The following NEB variants were observed in gnomAD, a reference collection of about 807,000 sequenced individuals.
NEB encodes the protein nebulin, also known as nemaline myopathy type 2.
A neutral mutation model predicts 952.2 loss-of-function variants in NEB; 512 were observed. The observed-to-expected ratio is 0.54, with a 90% confidence interval of 0.50 to 0.58. NEB has a LOEUF of 0.58. NEB is among the 20% of genes least tolerant of loss of function. NEB has a pLI of 0.00. For synonymous variants in NEB, 2,900 were observed against 3,149.8 expected (o/e 0.92, Z 2.66); for missense variants, 8,428 against 9,231.1 (o/e 0.91, Z 3.56).
intron 10 of NEB, among the ~76,000 whole-genome samples, chr2:151,715,029 G>A (rs1184061272): frequency 6.6e-6 from 1 of 152,172 alleles, no homozygotes; most frequent in African/African-American, 2.4e-5. Flanking sequence ...AATAAATAAT[G>A]TCACCATGGC....
intron 181 of NEB, among the ~76,000 whole-genome samples, chr2:151,489,651 C>T (rs1305707608): frequency 3.3e-5 from 5 of 152,124 alleles, no homozygotes; most frequent in African/African-American, 4.8e-5. Flanking sequence ...CCTGCATCAG[C>T]GTCCCAAAGT....
intron 167 of NEB, among the ~76,000 whole-genome samples, chr2:151,502,008 G>GTGTT (rs1381055686): frequency 6.6e-6 from 1 of 152,192 alleles, no homozygotes; most frequent in African/African-American, 2.4e-5. Flanking sequence ...GTGAATTGCT[G>GTGTT]TGTTGTCTTT....
intron 9 of NEB, 128 bp downstream of exon 9, chr2:151,723,254 C>T (rs936417919): frequency 3.8e-6 from 2 of 529,410 alleles, no homozygotes; most frequent in African/African-American, 1.9e-5. Flanking sequence ...CAATTCTAGA[C>T]ATACTCCTCT....
At chr2:151,569,221 A>T (rs2096542616) in intron 110 of NEB, 47 bp downstream of exon 110, 1 of 1,491,690 alleles carries the variant, frequency 6.7e-7, no homozygotes, top group Non-Finnish European at 9.4e-7. Context: ...GCATTTTGTC[A>T]CTTTCTTGGG....
chr2:151,642,869 G>A lies in NEB; in HGVS notation c.8161C>T (p.Arg2721Cys), dbSNP rs570763682. Residue 2721 changes from arginine (R) to cysteine (C), a missense_variant and splice_region_variant, in exon 59 of 182, where the codon CGC becomes TGC. Physicochemically the swap from Arg to Cys is radical, Grantham distance 180. Transcript: ENST00000397345. ...TTATCCCAAGCTTCTGTATAGAGGC[G>A]CTAAGAGAAACAGAAAAACATGACT... ...AKNNAITMNH[R>C]LYTEAWDKDK... 2.8e-5 allele frequency: 45 copies of A among 1,599,610 alleles called. No homozygotes were observed. Among genetic ancestry groups the A allele is most frequent in the South Asian group, 2.1e-4 (19 of 89,320 alleles).
Position 151,494,338 on chromosome 2 carries a change from A to T in NEB, c.24487-85T>A, listed in dbSNP as rs577787000. ...AAGGAAATGGTACAGATAACTTTTG[A>T]TTATCTTTAGGGCCCCAAACCATTT... On this transcript the variant is annotated intron_variant, in intron 173 of 181. Transcript: ENST00000397345. The T allele has an allele frequency of 3.9e-5, 37 of 941,664 alleles. 1 individual carries two copies. The South Asian group carries it at 5.0e-4, about 13-fold the overall frequency. 58.3% of individuals were successfully genotyped at this position (941,664 alleles called of 1,614,324 possible). A position where few individuals can be genotyped will look rare whatever the true frequency, so the allele number is the denominator to read the frequency against.
rs770208836 is a variant in NEB, at chr2:151,537,961, TCTC to T, written c.21010_21012del (p.Glu7004del). ...CAGATACCCAACTGGCTCATGTAGT[TCTC>T]CTTGTATTTTATCTGTTATAAAAAA... On this transcript the variant is annotated inframe_deletion, in exon 140 of 182. Transcript: ENST00000397345. 1.2e-6 allele frequency: 2 copies of T among 1,613,092 alleles called. No individual in the cohort carries two copies. The highest frequency in any genetic ancestry group is 1.7e-6 in the Non-Finnish European group (2 of 1,179,284).
At chr2:151,697,048 G>T in intron 16 of NEB, 100 bp downstream of exon 16, 3 of 873,646 alleles carry the variant, frequency 3.4e-6, no homozygotes, top group Non-Finnish European at 3.5e-6. Flanking sequence ...GCGATTGCCT[G>T]GCTTACATTT....
chr2:151,662,165 C>T lies in NEB; in HGVS notation c.5940G>A (p.Leu1980=). 1.2e-6 allele frequency: 2 copies of T among 1,613,204 alleles called. No homozygotes were observed. Among genetic ancestry groups the T allele is most frequent in the East Asian group, 2.2e-5 (1 of 44,862 alleles). The change falls in exon 46 of 182, where the codon TTG becomes TTA. Residue 1980 remains leucine (L), a synonymous_variant. Coordinates refer to ENST00000397345, the MANE Select transcript of NEB (RefSeq NM_001164508.2). ...STLMDSMNMV[L]AQNNAKIMNE... ...TCATAATTTTTGCATTATTCTGGGC[C>T]AAAACCATGTTCATCGAGTCCATGA...
intron 57 of NEB, among the ~76,000 whole-genome samples, chr2:151,643,568 G>T (rs1050216551): frequency 6.6e-6 from 1 of 152,120 alleles, no homozygotes; most frequent in African/African-American, 2.4e-5. Context: ...ATTTTAAACA[G>T]AAGCACATAG....
At chr2:151,528,758 C>T (rs553314919) in intron 146 of NEB, among the ~76,000 whole-genome samples, 48 of 152,250 alleles carry the variant, frequency 3.2e-4, no homozygotes, top group Admixed American at 1.9e-3. Context: ...AGAGAGTCAA[C>T]GCAGGGAATA....
At chr2:151,655,133 C>T in intron 51 of NEB, 137 bp downstream of exon 51, 2 of 484,388 alleles carry the variant, frequency 4.1e-6, no homozygotes, top group South Asian at 4.0e-5. Flanking sequence ...CTCTATTTTG[C>T]AACATCCTGG....
rs1487595465 is a variant in NEB at position 151,496,346 on chromosome 2, C to T, written c.24416G>A (p.Gly8139Asp). Reference sequence around the variant, plus strand: ...AGTGACAGCTAAAGGAGTTCCCTTGCCCATGTTTTCTTTGTATAACACCTG... The same window carrying T: ...AGTGACAGCTAAAGGAGTTCCCTTGTCCATGTTTTCTTTGTATAACACCTG... ...ISSVLYKENMGKGTPLAVTPE... is the reference protein window; with the variant it reads ...ISSVLYKENMDKGTPLAVTPE... Residue 8139 changes from glycine (G) to aspartate (D), a missense_variant, in exon 173 of 182, where the codon GGC (glycine) becomes GAC (aspartate). Coordinates refer to ENST00000397345, the MANE Select transcript of NEB (RefSeq NM_001164508.2). 4 of 1,610,378 alleles carry T rather than the reference C, an allele frequency of 2.5e-6. No individual in the cohort carries two copies. The highest frequency in any genetic ancestry group is 3.3e-5 in the Admixed American group (2 of 59,726).
chr2:151,503,134 A>G (rs2065999947), intron 166 of NEB: 4 of 593,186 alleles, frequency 6.7e-6, no homozygotes, highest in South Asian at 4.4e-5. Context: ...TTCTACTTAT[A>G]GTATTTCAAA....
chr2:151,613,277 T>G (rs898773811), intron 77 of NEB, among the ~76,000 whole-genome samples: 1 of 152,198 alleles, frequency 6.6e-6, no homozygotes, highest in African/African-American at 2.4e-5. Flanking sequence ...CTTAGAAAAT[T>G]TGTCTTCATA....
intron 141 of NEB, among the ~76,000 whole-genome samples, chr2:151,536,883 A>G (rs966265688): frequency 3.9e-5 from 6 of 152,298 alleles, no homozygotes; most frequent in Middle Eastern, 3.4e-3. Context: ...TAATAAGGAG[A>G]GAGTTCTAGA....
rs1254743889 is a variant in NEB, at chr2:151,679,808, C to A, written c.3168G>T (p.Leu1056Phe). 2.5e-6 allele frequency: 4 copies of A among 1,613,684 alleles called. No individual in the cohort carries two copies. In the African/African-American group the frequency reaches 5.3e-5, roughly 22 times the overall value. Residue 1056 changes from leucine (L) to phenylalanine (F), a missense_variant, in exon 32 of 182, where the codon TTG becomes TTT. By Grantham distance (22) the Leu-to-Phe change is conservative (BLOSUM62 0). Around this residue, in one of 11 missense-constraint regions of NEB, gnomAD observed 2,851 missense variants for 2,791.5 expected, o/e 1.02. Coordinates refer to ENST00000397345, the MANE Select transcript of NEB (RefSeq NM_001164508.2). Reference sequence around the variant, plus strand: ...CATATCCCTTCTTGCTCAAGTCTTTCAAGTCTGCTTTGTACATATTCTGAA... The same window carrying A: ...CATATCCCTTCTTGCTCAAGTCTTTAAAGTCTGCTTTGTACATATTCTGAA... Reference protein sequence around the residue: ...NISENMYKADLKDLSKKGYDL... With the variant: ...NISENMYKADFKDLSKKGYDL...
At chr2:151,680,558 A>G (rs1463370800) in intron 30 of NEB, among the ~76,000 whole-genome samples, 172 bp downstream of exon 30, 1 of 152,206 alleles carries the variant, frequency 6.6e-6, no homozygotes, top group Non-Finnish European at 1.5e-5. Flanking sequence ...CATTACTGTA[A>G]ATATATGAAT....
chr2:151,552,420 G>A (rs764091713), intron 128 of NEB, among the ~76,000 whole-genome samples: 1 of 152,136 alleles, frequency 6.6e-6, no homozygotes, highest in South Asian at 2.1e-4. Context: ...CAAAAAACAC[G>A]TTGGAAGTGC....
Sources: gnomAD v4.1 joint callset for allele counts (sites outside exome capture counted in the v4.1 genomes callset) on GRCh38, gnomAD v4.1.1 for gene constraint, gnomAD v4.1.1 regional missense constraint, MANE v1.5 for transcripts, NCBI Gene and HGNC (gene_info 2026-07-23, HGNC 2026-07-21) for gene names.